Variants in ARHGAP24 observed in about 807,000 individuals in gnomAD.
The protein encoded by ARHGAP24 is Rho GTPase activating protein 24.
Under a neutral mutation model 76.4 loss-of-function variants are expected in ARHGAP24, and 50 were observed. That is an observed-to-expected ratio of 0.65 (90% CI 0.52 to 0.83). ARHGAP24 has a LOEUF of 0.83. Among genes scored for constraint, ARHGAP24 ranks in the 40% least tolerant of loss-of-function variants. The pLI, the probability that ARHGAP24 is intolerant of heterozygous loss-of-function variation, is 0.00. For synonymous variants in ARHGAP24, 345 were observed against 323.3 expected, an observed-to-expected ratio of 1.07 and a Z score of -0.72; for missense variants, 930 against 914.2, an observed-to-expected ratio of 1.02 and a Z score of -0.22.
chr4:85,995,123 A>G lies in ARHGAP24; in HGVS notation c.1469A>G (p.Asp490Gly), dbSNP rs1332867099. Residue 490 changes from aspartate to glycine, a missense_variant, in exon 9 of 10, where the codon GAC becomes GGC. Asp to Gly is a moderately conservative substitution (Grantham distance 94). Coordinates refer to ENST00000395184, the MANE Select transcript of ARHGAP24 (RefSeq NM_001025616.3). ...GTVRMGILNS[D>G]TLGNPTNVRN... ...GTGCGCATGGGCATTTTGAACAGCG[A>G]CACACTCGGGAACCCCACAAATGTT... The G allele has an allele frequency of 3.1e-6, 5 of 1,614,022 alleles. No homozygotes were observed. The highest frequency in any genetic ancestry group is 4.2e-6 in the Non-Finnish European group (5 of 1,179,998).
chr4:85,900,825 A>G (rs1302850321), intron 3 of ARHGAP24, among the ~76,000 whole-genome samples: 1 of 152,158 alleles, frequency 6.6e-6, no homozygotes, highest in Non-Finnish European at 1.5e-5. Context: ...GTTGAACACA[A>G]TCAATCTTCC....
At chr4:85,765,044 G>A (rs1318748046) in intron 3 of ARHGAP24, among the ~76,000 whole-genome samples, 9 of 152,064 alleles carry the variant, frequency 5.9e-5, no homozygotes. Context: ...CCATGCAATA[G>A]AAGTGGAACA....
intron 3 of ARHGAP24, among the ~76,000 whole-genome samples, chr4:85,755,514 T>C (rs17010775): frequency 0.025 from 3,776 of 152,288 alleles, 157 homozygotes; most frequent in African/African-American, 0.086. Context: ...GAGCATGTTT[T>C]CTTCCTTAAT....
In ARHGAP24 at chr4:86,000,557, C is replaced by T. The variant is rs1256406482; in HGVS notation, c.2082C>T (p.Phe694=). The part of the protein sequence containing the change: ...HDELDQERKK[F]TMIEIKMRNA... Reference sequence around the variant, plus strand: ...AACTGGATCAGGAGAGGAAAAAGTTCACAATGATAGAAATAAAAATGCGAA... The same window carrying T: ...AACTGGATCAGGAGAGGAAAAAGTTTACAATGATAGAAATAAAAATGCGAA... The change falls in exon 10 of 10, where the codon TTC becomes TTT. Residue 694 remains phenylalanine (F), a synonymous_variant. Transcript: ENST00000395184. 5 of 1,593,294 alleles carry T rather than the reference C, an allele frequency of 3.1e-6. No individual in the cohort carries two copies. Among genetic ancestry groups the T allele is most frequent in the Admixed American group, 3.4e-5 (2 of 58,346 alleles).
At chr4:85,499,296 A>C (rs1254539711) in intron 1 of ARHGAP24, among the ~76,000 whole-genome samples, 1 of 152,188 alleles carries the variant, frequency 6.6e-6, no homozygotes, top group Non-Finnish European at 1.5e-5. Context: ...TCATATTAGA[A>C]TTTCAAGCCT....
chr4:85,721,492 G>A (rs1724936699), intron 2 of ARHGAP24, among the ~76,000 whole-genome samples: 1 of 152,002 alleles, frequency 6.6e-6, no homozygotes, highest in African/African-American at 2.4e-5. Flanking sequence ...TCACAACTAT[G>A]TCTAAGTCTA....
intron 3 of ARHGAP24, among the ~76,000 whole-genome samples, chr4:85,819,985 C>T (rs1729399295): frequency 6.6e-6 from 1 of 151,952 alleles, no homozygotes; most frequent in Non-Finnish European, 1.5e-5. Context: ...GCCAATTAAA[C>T]CTCTTTTCTT....
intron 3 of ARHGAP24, among the ~76,000 whole-genome samples, chr4:85,725,423 G>T (rs73835549): frequency 6.6e-6 from 1 of 152,152 alleles, no homozygotes; most frequent in Non-Finnish European, 1.5e-5. Context: ...CCCTGTTCCC[G>T]CAAAGACCTC....
At chr4:85,993,198 A>G (rs1350576657) in intron 8 of ARHGAP24, among the ~76,000 whole-genome samples, 1 of 152,144 alleles carries the variant, frequency 6.6e-6, no homozygotes, top group Admixed American at 6.6e-5. Flanking sequence ...GAAGCTCTGC[A>G]TTGGGTGCTA....
Position 85,995,423 on chromosome 4 carries a change from A to C in ARHGAP24, c.1769A>C (p.Asp590Ala). ...GACTTTTTTGGGGGGAACTTTGAGGACCCTGTTTTGGATGGGCCCCCGCAG... is the reference window on the plus strand; with the variant it reads ...GACTTTTTTGGGGGGAACTTTGAGGCCCCTGTTTTGGATGGGCCCCCGCAG... ...EQDFFGGNFE[D>A]PVLDGPPQDD... Residue 590 changes from aspartate (D) to alanine (A), a missense_variant, in exon 9 of 10, where the codon GAC becomes GCC. Physicochemically the swap from Asp to Ala is moderately radical, Grantham distance 126. Transcript: ENST00000395184. 1 of 1,612,072 alleles carries C rather than the reference A, an allele frequency of 6.2e-7. No individual in the cohort carries two copies. Among genetic ancestry groups the C allele is most frequent in the East Asian group, 2.2e-5 (1 of 44,822 alleles).
At chr4:85,573,758 T>C (rs1727245674) in intron 2 of ARHGAP24, among the ~76,000 whole-genome samples, 1 of 152,242 alleles carries the variant, frequency 6.6e-6, no homozygotes, top group African/African-American at 2.4e-5. Flanking sequence ...TGTGTGTGTA[T>C]CTGTGTGTAA....
chr4:85,980,813 C>G (rs144908276), intron 8 of ARHGAP24, among the ~76,000 whole-genome samples: 2 of 152,178 alleles, frequency 1.3e-5, no homozygotes, highest in South Asian at 4.1e-4. Flanking sequence ...TATGAAGATG[C>G]TGTTGCCCTT....
At chr4:85,959,005 T>C (rs1052811377) in intron 5 of ARHGAP24, among the ~76,000 whole-genome samples, 6 of 152,188 alleles carry the variant, frequency 3.9e-5, no homozygotes, top group African/African-American at 1.4e-4. Context: ...TTGGATCTCC[T>C]GCAAGAAAGG....
chr4:85,678,641 A>T (rs1723085473), intron 2 of ARHGAP24, among the ~76,000 whole-genome samples: 1 of 152,204 alleles, frequency 6.6e-6, no homozygotes, highest in African/African-American at 2.4e-5. Context: ...AATGATCTGT[A>T]AAGTCAGCAT....
At chr4:85,671,398 T>G (rs1005862968) in intron 2 of ARHGAP24, among the ~76,000 whole-genome samples, 1 of 152,182 alleles carries the variant, frequency 6.6e-6, no homozygotes, top group African/African-American at 2.4e-5. Flanking sequence ...TCTTTCCTCC[T>G]AAGAAATCAA....
chr4:85,826,071 C>G (rs765813008), intron 3 of ARHGAP24, among the ~76,000 whole-genome samples: 4 of 152,094 alleles, frequency 2.6e-5, no homozygotes, highest in Non-Finnish European at 4.4e-5. Context: ...AGCTCCCAGC[C>G]CTGTGTGTCT....
intron 2 of ARHGAP24, among the ~76,000 whole-genome samples, chr4:85,658,869 C>A (rs1024138284): frequency 1.7e-4 from 26 of 152,148 alleles, no homozygotes; most frequent in African/African-American, 6.0e-4. Context: ...TTGAATCAAG[C>A]AGCTTGGGTC....
chr4:85,683,117 T>TGGGGGGGGGGGGGGGGGG (rs201448168), intron 2 of ARHGAP24, among the ~76,000 whole-genome samples: 22 of 56,922 alleles, frequency 3.9e-4, no homozygotes, highest in Admixed American at 7.8e-4. Flanking sequence ...TGTGGGGGGG[T>TGGGGGGGGGGGGGGGGGG]GGGGGGGGGG....
At chr4:85,703,539 T>C (rs12513384) in intron 2 of ARHGAP24, among the ~76,000 whole-genome samples, 97,616 of 151,768 alleles carry the variant, frequency 0.64, 33,808 homozygotes, top group Non-Finnish European at 0.79. Context: ...GGTAGTGCCC[T>C]CAAGAATGAG....
Sources: allele counts gnomAD v4.1 joint callset (sites outside exome capture counted in the v4.1 genomes callset), GRCh38; gene constraint gnomAD v4.1.1; transcripts MANE v1.5; gene names NCBI Gene and HGNC (gene_info 2026-07-23, HGNC 2026-07-21).